PAX3: variants seen among roughly 807,000 people sequenced by gnomAD.
PAX3 encodes paired box 3.
A neutral mutation model predicts 51.6 loss-of-function variants in PAX3; 14 were observed. The ratio of observed to expected loss-of-function variants is 0.27; its 90% CI spans 0.18 to 0.42. The LOEUF (loss-of-function observed/expected upper bound fraction) is 0.42. Among genes scored for constraint, PAX3 ranks in the 10% least tolerant of loss-of-function variants. The pLI is 1.00. For missense variants in PAX3, 540 were observed against 642.8 expected, an observed-to-expected ratio of 0.84 and a Z score of 1.73; for synonymous variants, 280 against 253.4, an observed-to-expected ratio of 1.11 and a Z score of -1.00.
intron 4 of PAX3, among the ~76,000 whole-genome samples, chr2:222,266,166 T>A (rs1694049039): frequency 6.6e-6 from 1 of 152,212 alleles, no homozygotes; most frequent in South Asian, 2.1e-4. Context: ...AAACATATCC[T>A]GATTGCATCC....
chr2:222,203,145 G>A (rs1387116782), intron 7 of PAX3, among the ~76,000 whole-genome samples: 4 of 136,358 alleles, frequency 2.9e-5, no homozygotes, highest in African/African-American at 8.0e-5. Flanking sequence ...AGACAACTTG[G>A]AAAAAAAAAA....
chr2:222,216,230 G>C (rs901877762), intron 7 of PAX3, among the ~76,000 whole-genome samples: 1 of 152,140 alleles, frequency 6.6e-6, no homozygotes, highest in African/African-American at 2.4e-5. Context: ...GTAAGAACTA[G>C]ACAAGACATA....
rs551526451 is a variant in PAX3 at position 222,226,833 on chromosome 2, G to T, written c.792+5245C>A. ...CTATAAGGGTCCTGAGAAATCATGC[G>T]TTCTACTAGTTTTTAATTTGGGCAT... On this transcript the variant is annotated intron_variant, in intron 5 of 8. Transcript: ENST00000392070. Among the ~76,000 whole-genome samples, 6 of 151,606 alleles carry T rather than the reference G, an allele frequency of 4.0e-5. No individual in the cohort carries two copies. In the East Asian group the frequency reaches 1.2e-3, roughly 30 times the overall value.
intron 4 of PAX3, among the ~76,000 whole-genome samples, chr2:222,276,301 C>G (rs141201479): frequency 1.3e-5 from 2 of 152,204 alleles, no homozygotes; most frequent in Non-Finnish European, 2.9e-5. Context: ...GAAGAAGAGC[C>G]GGTGTGTTCA....
At chr2:222,217,192 T>C (rs1484002091) in intron 7 of PAX3, among the ~76,000 whole-genome samples, 1 of 152,218 alleles carries the variant, frequency 6.6e-6, no homozygotes, top group Admixed American at 6.5e-5. Flanking sequence ...TAGACACTTT[T>C]TAAGCAAATT....
chr2:222,232,642 C>A (rs535584447), intron 4 of PAX3, among the ~76,000 whole-genome samples: 1 of 152,132 alleles, frequency 6.6e-6, no homozygotes, highest in East Asian at 1.9e-4. Flanking sequence ...CAGGGACAGG[C>A]CTTATTCCAT....
chr2:222,230,557 T>C (rs1008061289), intron 5 of PAX3, among the ~76,000 whole-genome samples: 2 of 151,906 alleles, frequency 1.3e-5, no homozygotes, highest in African/African-American at 4.8e-5. Context: ...GAACTTAAAG[T>C]ATAATTTTTT....
At chr2:222,294,455 T>G (rs1382062199) in intron 3 of PAX3, among the ~76,000 whole-genome samples, 154 bp from the exon 4 acceptor site, 1 of 151,604 alleles carries the variant, frequency 6.6e-6, no homozygotes, top group Non-Finnish European at 1.5e-5. Flanking sequence ...TCTCTGGACA[T>G]CCTCATCCTT....
At chr2:222,292,299 G>A (rs577445045) in intron 4 of PAX3, among the ~76,000 whole-genome samples, 1 of 152,194 alleles carries the variant, frequency 6.6e-6, no homozygotes, top group Admixed American at 6.5e-5. Flanking sequence ...ATTATAAAAA[G>A]GTTGCCTTCC....
intron 7 of PAX3, among the ~76,000 whole-genome samples, chr2:222,209,552 G>A (rs777975619): frequency 6.6e-6 from 1 of 151,800 alleles, no homozygotes; most frequent in South Asian, 2.1e-4. Flanking sequence ...GGCAGAATAA[G>A]CATTCATTTA....
At chr2:222,206,799 C>T (rs1339360620) in intron 7 of PAX3, among the ~76,000 whole-genome samples, 2 of 152,104 alleles carry the variant, frequency 1.3e-5, no homozygotes, top group Non-Finnish European at 2.9e-5. Context: ...TGTCTTGGCA[C>T]AAGCATTATG....
chr2:222,282,298 C>G (rs987288442), intron 4 of PAX3, among the ~76,000 whole-genome samples: 10 of 151,862 alleles, frequency 6.6e-5, no homozygotes, highest in African/African-American at 2.4e-4. Context: ...CTTAGGTAGA[C>G]CAGGTATTCA....
chr2:222,206,057 T>C (rs930060681), intron 7 of PAX3, among the ~76,000 whole-genome samples: 1 of 152,186 alleles, frequency 6.6e-6, no homozygotes, highest in Non-Finnish European at 1.5e-5. Context: ...CAAATCTTCA[T>C]TTGTTGTAAA....
intron 5 of PAX3, among the ~76,000 whole-genome samples, chr2:222,225,791 A>G (rs10175492): frequency 0.023 from 3,573 of 152,332 alleles, 123 homozygotes; most frequent in African/African-American, 0.076. Flanking sequence ...AATGCTAGCT[A>G]TTAAATAGAA....
At chr2:222,292,818 T>G (rs944732094) in intron 4 of PAX3, among the ~76,000 whole-genome samples, 1 of 152,200 alleles carries the variant, frequency 6.6e-6, no homozygotes, top group African/African-American at 2.4e-5. Context: ...AAAGGAAGCA[T>G]CTCCCTGCCC....
At chr2:222,219,298 G>A (rs901499906) in intron 7 of PAX3, among the ~76,000 whole-genome samples, 1 of 152,018 alleles carries the variant, frequency 6.6e-6, no homozygotes, top group Non-Finnish European at 1.5e-5. Context: ...ATTCTCGATT[G>A]CAATTATAGA....
chr2:222,225,770 A>C (rs929470929), intron 5 of PAX3, among the ~76,000 whole-genome samples: 2 of 152,192 alleles, frequency 1.3e-5, no homozygotes, highest in African/African-American at 4.8e-5. Context: ...GGAGATATTA[A>C]ATGTTCAGTA....
intron 2 of PAX3, among the ~76,000 whole-genome samples, chr2:222,296,023 GT>G (rs1695276788): frequency 6.6e-6 from 1 of 152,210 alleles, no homozygotes; most frequent in African/African-American, 2.4e-5. Flanking sequence ...AAAAAGCGAT[GT>G]TTGAAAAAGG....
intron 7 of PAX3, among the ~76,000 whole-genome samples, chr2:222,218,599 G>A (rs1692060757): frequency 6.6e-6 from 1 of 152,130 alleles, no homozygotes; most frequent in South Asian, 2.1e-4. Flanking sequence ...TACTTCTGAT[G>A]TTACTTCTAA....
Sources: allele counts gnomAD v4.1 joint callset (sites outside exome capture counted in the v4.1 genomes callset), GRCh38; gene constraint gnomAD v4.1.1; transcripts MANE v1.5; gene names NCBI Gene and HGNC (gene_info 2026-07-23, HGNC 2026-07-21).